RELB: variants seen among roughly 807,000 people sequenced by gnomAD.
RELB encodes the protein transcription factor RelB.
A neutral mutation model predicts 55.4 loss-of-function variants in RELB; 14 were observed. That is an observed-to-expected ratio of 0.25 (90% CI 0.17 to 0.40). The LOEUF is 0.40. Ranked by LOEUF, RELB falls within the 10% of genes least tolerant of loss-of-function variation. The probability of loss-of-function intolerance (pLI) is 1.00; values close to 1 mark genes in which losing one functional copy is unlikely to be tolerated. For synonymous variants in RELB, 409 were observed against 371.3 expected, an observed-to-expected ratio of 1.10 and a Z score of -1.17; for missense variants, 669 against 830.7, an observed-to-expected ratio of 0.81 and a Z score of 2.39.
chr19:45,003,913 G>GTTTTTTTT, intron 2 of RELB, among the ~76,000 whole-genome samples: 1 of 52,694 alleles, frequency 1.9e-5, no homozygotes, highest in South Asian at 5.8e-4. Flanking sequence ...TCTGTTTTTT[G>GTTTTTTTT]TGTTTTTTTT....
intron 4 of RELB, among the ~76,000 whole-genome samples, chr19:45,014,344 A>AT (rs1375338973): frequency 6.6e-6 from 1 of 150,558 alleles, no homozygotes; most frequent in Non-Finnish European, 1.5e-5. Flanking sequence ...TAATTTTTGT[A>AT]TTTTTTTGAA....
Position 45,037,660 on chromosome 19 carries a change from A to C in RELB, c.1610A>C (p.Asp537Ala). ...ETPGPEPLTL[D>A]SYQAPGPGDG... The stretch of plus-strand genomic sequence containing the variant: ...CCCGGCCCTGAACCACTGACACTGG[A>C]CTCGTACCAGGCCCCGGGCCCCGGG... The change falls in exon 12 of 12, where the codon GAC (aspartate) becomes GCC (alanine). Residue 537 changes from aspartate (D) to alanine (A), a missense_variant. Around this residue, in one of 3 missense-constraint regions of RELB, gnomAD observed 341 missense variants for 436.8 expected, o/e 0.78. Coordinates refer to ENST00000221452, the MANE Select transcript of RELB (RefSeq NM_006509.4). 6.3e-7 allele frequency: 1 copy of C among 1,584,438 alleles called. No individual in the cohort carries two copies. Among genetic ancestry groups the C allele is most frequent in the Non-Finnish European group, 8.6e-7 (1 of 1,167,764 alleles).
At position 45,032,575 on chromosome 19, in the gene RELB, C is replaced by G. The variant is rs1971637134; in HGVS notation, c.1033C>G (p.Arg345Gly). The G allele has an allele frequency of 6.2e-7, 1 of 1,613,380 alleles. No individual in the cohort carries two copies. Among genetic ancestry groups the G allele is most frequent in the Non-Finnish European group, 8.5e-7 (1 of 1,179,758 alleles). ...VVFSRASWEG[R>G]ADFSQADVHR... ...GTTCAGCAGGGCCTCCTGGGAAGGT[C>G]GGGCTGACTTCTCCCAGGCCGACGT... Residue 345 changes from arginine to glycine, a missense_variant, in exon 9 of 12, where the codon CGG becomes GGG. Physicochemically the swap from Arg to Gly is moderately radical, Grantham distance 125 (BLOSUM62 -2). Transcript: ENST00000221452.
intron 5 of RELB, 113 bp downstream of exon 5, chr19:45,022,323 T>G (rs1322551203): frequency 1.9e-5 from 20 of 1,056,544 alleles, no homozygotes; most frequent in Non-Finnish European, 2.6e-5. Flanking sequence ...CCCTCCCCAC[T>G]GCCTCTTCTA....
At position 45,019,062 on chromosome 19, in the gene RELB, T is replaced by C. The variant is rs77572206; in HGVS notation, c.505-2991T>C. ...CCAAACATACACACACACAGATACA[T>C]ACATTTTTGTTTTGTTTTGAGACAG... On this transcript the variant is annotated intron_variant, in intron 4 of 11. Coordinates refer to ENST00000221452, the MANE Select transcript of RELB (RefSeq NM_006509.4). 8.3e-3 allele frequency among the ~76,000 whole-genome samples: 1,270 copies of C among 152,244 alleles called. 4 individuals are homozygous for C. Among genetic ancestry groups the C allele is most frequent in the Non-Finnish European group, 0.012 (848 of 68,014 alleles).
rs756504929 is a variant in RELB at position 45,037,606 on chromosome 19, G to A, written c.1556G>A (p.Gly519Glu). ...PPHASAVVCSGGAGAVVGETP... is the reference protein window; with the variant it reads ...PPHASAVVCSEGAGAVVGETP... ...CACGCTAGCGCTGTTGTGTGCAGCGGAGGTGCCGGGGCCGTGGTTGGGGAG... is the reference window on the plus strand; with the variant it reads ...CACGCTAGCGCTGTTGTGTGCAGCGAAGGTGCCGGGGCCGTGGTTGGGGAG... The change falls in exon 12 of 12, where the codon GGA becomes GAA. Residue 519 changes from glycine to glutamate, a missense_variant. This residue lies in a region of RELB where 341 missense variants were observed against 436.8 expected (regional missense o/e 0.78). Coordinates refer to ENST00000221452, the MANE Select transcript of RELB (RefSeq NM_006509.4). 3.1e-6 allele frequency: 5 copies of A among 1,606,848 alleles called. No individual in the cohort carries two copies. The highest frequency in any genetic ancestry group is 4.2e-6 in the Non-Finnish European group (5 of 1,177,184).
chr19:45,014,721 G>T (rs1971402110), intron 4 of RELB, among the ~76,000 whole-genome samples: 1 of 151,554 alleles, frequency 6.6e-6, no homozygotes, highest in Non-Finnish European at 1.5e-5. Context: ...GTTTCACCAT[G>T]TTGGCCAGGC....
At chr19:45,021,211 C>T (rs937735437) in intron 4 of RELB, among the ~76,000 whole-genome samples, 4 of 151,964 alleles carry the variant, frequency 2.6e-5, no homozygotes, top group South Asian at 4.2e-4. Context: ...CGGTGACTCA[C>T]GCCTGTAATC....
Position 45,010,261 on chromosome 19 carries a change from G to C in RELB, c.163+439G>C, listed in dbSNP as rs1034214941. 7.7e-5 allele frequency among the ~76,000 whole-genome samples: 11 copies of C among 142,256 alleles called. No homozygotes were observed. The Admixed American group carries it at 7.8e-4, about 10-fold the overall frequency. 93.3% of individuals were successfully genotyped at this position (142,256 alleles called of 152,430 possible). A position where few individuals can be genotyped will look rare whatever the true frequency, so the allele number is the denominator to read the frequency against. On this transcript the variant is annotated intron_variant, in intron 3 of 11. Coordinates refer to ENST00000221452, the MANE Select transcript of RELB (RefSeq NM_006509.4). The stretch of plus-strand genomic sequence containing the variant: ...GCCTTGGAAGCCGAGGCTGCAGTGA[G>C]CTATGATTGCACCACTGCACTGCAG...
intron 11 of RELB, 137 bp from the exon 12 acceptor site, chr19:45,037,268 T>C (rs1037879990): frequency 1.9e-5 from 18 of 942,722 alleles, no homozygotes; most frequent in Non-Finnish European, 2.5e-5. Flanking sequence ...GGTGACAGAA[T>C]GAGACTCCAT....
chr19:45,033,702 C>T (rs1354540078), intron 9 of RELB, among the ~76,000 whole-genome samples: 1 of 149,696 alleles, frequency 6.7e-6, no homozygotes, highest in East Asian at 2.1e-4. Context: ...GCCACCATGC[C>T]CGGCTAATTT....
intron 1 of RELB, among the ~76,000 whole-genome samples, chr19:45,002,237 C>A (rs888052320): frequency 1.4e-4 from 21 of 148,098 alleles, no homozygotes; most frequent in Non-Finnish European, 2.5e-4. Context: ...GGGCGGGGCC[C>A]GACACAGAGA....
At chr19:45,024,750 A>AT in intron 5 of RELB, among the ~76,000 whole-genome samples, 1 of 150,646 alleles carries the variant, frequency 6.6e-6, no homozygotes, top group Non-Finnish European at 1.5e-5. Flanking sequence ...GGGCTTCACC[A>AT]TGCTGGCCAG....
At chr19:45,003,144 C>A in intron 2 of RELB, 148 bp downstream of exon 2, 1 of 762,150 alleles carries the variant, frequency 1.3e-6, no homozygotes, top group East Asian at 2.8e-5. Context: ...TTGAGATGGG[C>A]CCCCTAGGTT....
At chr19:45,011,586 A>T (rs1279691897) in intron 3 of RELB, among the ~76,000 whole-genome samples, 2 of 151,880 alleles carry the variant, frequency 1.3e-5, no homozygotes, top group African/African-American at 4.8e-5. Context: ...CCTCCTGAGT[A>T]GCTGGGATTA....
chr19:45,021,218 A>C lies in RELB; in HGVS notation c.505-835A>C, dbSNP rs35834609. Among the ~76,000 whole-genome samples, 1,077 of 152,026 alleles carry C rather than the reference A, an allele frequency of 7.1e-3. 21 individuals carry two copies. The highest frequency in any genetic ancestry group is 0.024 in the African/African-American group (1,004 of 41,500). On this transcript the variant is annotated intron_variant, in intron 4 of 11. Coordinates refer to ENST00000221452, the MANE Select transcript of RELB (RefSeq NM_006509.4). ...GCCAGGCACGGTGACTCACGCCTGT[A>C]ATCCCAGCACTTTGGGAGGCCGAGG...
At chr19:45,002,126 G>T (rs879716172) in intron 1 of RELB, among the ~76,000 whole-genome samples, 27 of 148,296 alleles carry the variant, frequency 1.8e-4, no homozygotes, top group Non-Finnish European at 3.0e-4. Flanking sequence ...CTGGCCGTGA[G>T]GGCAGGAAGG....
chr19:45,014,711 G>T (rs1971401964), intron 4 of RELB, among the ~76,000 whole-genome samples: 1 of 146,578 alleles, frequency 6.8e-6, no homozygotes, highest in Admixed American at 6.8e-5. Flanking sequence ...TAGAGATGGG[G>T]TTTCACCATG....
chr19:45,025,772 C>T (rs1161571101), intron 7 of RELB, 35 bp downstream of exon 7: 1 of 1,612,936 alleles, frequency 6.2e-7, no homozygotes, highest in African/African-American at 1.3e-5. Context: ...TAGGATTGCC[C>T]TTGGCTGCAG....
Sources: allele counts gnomAD v4.1 joint callset (sites outside exome capture counted in the v4.1 genomes callset), GRCh38; gene constraint gnomAD v4.1.1; regional missense constraint gnomAD v4.1.1; transcripts MANE v1.5; gene names NCBI Gene and HGNC (gene_info 2026-07-23, HGNC 2026-07-21).